Variants in STK32B observed in about 807,000 individuals in gnomAD.
The protein encoded by STK32B is serine/threonine kinase 32B, also known as serine/threonine-protein kinase 32B.
Under a neutral mutation model 52.6 loss-of-function variants are expected in STK32B, and 43 were observed. The ratio of observed to expected loss-of-function variants is 0.82; its 90% CI spans 0.64 to 1.05. The LOEUF is 1.05. Among genes scored for constraint, STK32B ranks in the 50% least tolerant of loss-of-function variants. The pLI is 0.00. For missense variants in STK32B, 621 were observed against 534.6 expected (o/e 1.16, Z -1.59); for synonymous variants, 238 against 204.3 (o/e 1.17, Z -1.41).
Position 5,065,479 on chromosome 4 carries a change from T to G in STK32B, c.52+13564T>G, listed in dbSNP as rs1322219594. On this transcript the variant is annotated intron_variant, in intron 1 of 11. Transcript: ENST00000282908. Reference sequence around the variant, plus strand: ...TGAGTGCCACTTAGATGAGGGCTACTAGGCCCCCTGGACACCATCCCGCTG... The same window carrying G: ...TGAGTGCCACTTAGATGAGGGCTACGAGGCCCCCTGGACACCATCCCGCTG... Among the ~76,000 whole-genome samples the G allele has an allele frequency of 4.6e-5, 7 of 152,274 alleles. No individual in the cohort carries two copies. The South Asian group carries it at 1.5e-3, about 32-fold the overall frequency.
chr4:5,340,937 C>G (rs143496967), intron 4 of STK32B, among the ~76,000 whole-genome samples: 61 of 152,162 alleles, frequency 4.0e-4, no homozygotes, highest in Non-Finnish European at 6.8e-4. Context: ...TATAATGACC[C>G]CATTTTGCAG....
chr4:5,397,671 G>T (rs545600899), intron 4 of STK32B, among the ~76,000 whole-genome samples: 2 of 152,322 alleles, frequency 1.3e-5, no homozygotes, highest in East Asian at 3.9e-4. Context: ...TGTATATGTT[G>T]TTTTGTTTTT....
chr4:5,278,245 G>A (rs1449328140), intron 3 of STK32B, among the ~76,000 whole-genome samples: 2 of 152,206 alleles, frequency 1.3e-5, no homozygotes, highest in African/African-American at 4.8e-5. Context: ...AACTGAGCTT[G>A]AAAGGAAAAC....
intron 6 of STK32B, among the ~76,000 whole-genome samples, chr4:5,443,290 G>T (rs1405850788): frequency 6.7e-6 from 1 of 149,432 alleles, no homozygotes; most frequent in African/African-American, 2.4e-5. Flanking sequence ...ATTTCTTGGA[G>T]GCTTTGCTCG....
At chr4:5,241,092 TA>T (rs1560251095) in intron 3 of STK32B, among the ~76,000 whole-genome samples, 1 of 152,218 alleles carries the variant, frequency 6.6e-6, no homozygotes, top group Admixed American at 6.5e-5. Flanking sequence ...TTTTTTTCTT[TA>T]TTGTGCTAAT....
intron 1 of STK32B, among the ~76,000 whole-genome samples, chr4:5,093,542 T>C (rs1713214242): frequency 2.0e-5 from 3 of 151,184 alleles, no homozygotes; most frequent in Non-Finnish European, 4.4e-5. Flanking sequence ...AAGGGGAACA[T>C]CACACACTGG....
chr4:5,046,750 A>G (rs576556015), upstream of STK32B, among the ~76,000 whole-genome samples: 2 of 152,272 alleles, frequency 1.3e-5, no homozygotes, highest in Non-Finnish European at 2.9e-5. Flanking sequence ...CTCAACATCA[A>G]TGCTCGTTAG....
At chr4:5,033,521 C>T in the STK32B span, among the ~76,000 whole-genome samples, 1 of 152,240 alleles carries the variant, frequency 6.6e-6, no homozygotes, top group Non-Finnish European at 1.5e-5. Flanking sequence ...AGCCTCTTCT[C>T]GTTGCTGGCA....
At position 5,380,499 on chromosome 4, in the gene STK32B, A is replaced by G. The variant is rs1037924145; in HGVS notation, c.435-17708A>G. ...GACAAGAATCCTGTCCAAGCACCAC[A>G]CTAATGGGACCTTGAGCCAGCAACT... On this transcript the variant is annotated intron_variant, in intron 4 of 11. Transcript: ENST00000282908. This position sits in a 1 kb window ranked among gnomAD's most constrained non-coding sequence, Gnocchi z 4.3. 1.6e-4 allele frequency among the ~76,000 whole-genome samples: 25 copies of G among 152,272 alleles called. No individual in the cohort carries two copies. Among genetic ancestry groups the G allele is most frequent in the Admixed American group, 3.9e-4 (6 of 15,298 alleles).
At chr4:5,372,312 C>T (rs1007746306) in intron 4 of STK32B, among the ~76,000 whole-genome samples, 3 of 152,184 alleles carry the variant, frequency 2.0e-5, no homozygotes, top group Non-Finnish European at 4.4e-5. Context: ...CATGCTGTAG[C>T]TCTGGGTACT....
intron 1 of STK32B, among the ~76,000 whole-genome samples, chr4:5,126,373 A>G (rs552174749): frequency 1.3e-5 from 2 of 152,108 alleles, no homozygotes; most frequent in African/African-American, 4.8e-5. Context: ...GCAAGCCTTC[A>G]GGCCCCCACT....
chr4:5,363,193 G>T (rs1158480124), intron 4 of STK32B, among the ~76,000 whole-genome samples: 2 of 152,342 alleles, frequency 1.3e-5, no homozygotes, highest in Admixed American at 1.3e-4. Context: ...ATGCAGTCAT[G>T]AAAGTATACA....
chr4:5,038,706 T>C, the STK32B span, among the ~76,000 whole-genome samples: 3 of 152,222 alleles, frequency 2.0e-5, no homozygotes, highest in Admixed American at 1.3e-4. Context: ...GAATGGAGCT[T>C]GCAGGACTGG....
At chr4:5,482,178 T>C (rs1718772402) in intron 11 of STK32B, among the ~76,000 whole-genome samples, 1 of 152,216 alleles carries the variant, frequency 6.6e-6, no homozygotes, top group African/African-American at 2.4e-5. Context: ...CCTTGGGCAG[T>C]ATGGCCATTT....
chr4:5,483,728 G>T (rs1480035983), intron 11 of STK32B, among the ~76,000 whole-genome samples: 23 of 152,016 alleles, frequency 1.5e-4, no homozygotes, highest in Non-Finnish European at 3.1e-4. Flanking sequence ...GACATTTAGT[G>T]CTATGAACTT....
intron 1 of STK32B, among the ~76,000 whole-genome samples, chr4:5,131,350 G>A (rs1246096287): frequency 2.0e-5 from 3 of 152,278 alleles, no homozygotes; most frequent in South Asian, 4.2e-4. Context: ...CCTAGTTACC[G>A]TCATGTGGCA....
chr4:5,340,155 C>G (rs1390180588), intron 4 of STK32B, among the ~76,000 whole-genome samples: 1 of 152,120 alleles, frequency 6.6e-6, no homozygotes, highest in African/African-American at 2.4e-5. Context: ...GGCTGTGTAC[C>G]AGCTCCTGGG....
rs1383192351 is a variant in STK32B, at chr4:5,147,297, G to T, written c.108+7337G>T. Among the ~76,000 whole-genome samples, 3 of 152,068 alleles carry T rather than the reference G, an allele frequency of 2.0e-5. No homozygotes were observed. The East Asian group carries it at 5.8e-4, about 29-fold the overall frequency. On this transcript the variant is annotated intron_variant, in intron 2 of 11. Transcript: ENST00000282908. Reference sequence around the variant, plus strand: ...TTTGTATCTTAATCTCACACCCTGAGACCTTGCTAATTAAATAATTAGTTG... The same window carrying T: ...TTTGTATCTTAATCTCACACCCTGATACCTTGCTAATTAAATAATTAGTTG...
At chr4:5,373,916 A>C (rs2109015427) in intron 4 of STK32B, among the ~76,000 whole-genome samples, 1 of 152,350 alleles carries the variant, frequency 6.6e-6, no homozygotes, top group East Asian at 1.9e-4. Flanking sequence ...TGTTCCCCCA[A>C]AAGTAATGTC....
Sources: gnomAD v4.1 joint callset for allele counts (sites outside exome capture counted in the v4.1 genomes callset) on GRCh38, gnomAD v4.1.1 for gene constraint, Gnocchi (gnomAD v3.1) non-coding constraint, MANE v1.5 for transcripts, NCBI Gene and HGNC (gene_info 2026-07-23, HGNC 2026-07-21) for gene names.